SLC44A1: variants seen among roughly 807,000 people sequenced by gnomAD.
The protein encoded by SLC44A1 is solute carrier family 44 member 1, also known as choline transporter-like protein 1.
A neutral mutation model predicts 79.3 loss-of-function variants in SLC44A1; 26 were observed. The observed-to-expected ratio is 0.33, with a 90% confidence interval of 0.24 to 0.46. The LOEUF (loss-of-function observed/expected upper bound fraction) is 0.46. Ranked by LOEUF, SLC44A1 falls within the 20% of genes least tolerant of loss-of-function variation. The pLI is 1.00. For synonymous variants in SLC44A1, 263 were observed against 286.2 expected (o/e 0.92, Z 0.82); for missense variants, 688 against 798.1 (o/e 0.86, Z 1.66).
chr9:105,355,444 C>T (rs1318264768), intron 5 of SLC44A1, among the ~76,000 whole-genome samples: 1 of 151,992 alleles, frequency 6.6e-6, no homozygotes, highest in Admixed American at 6.6e-5. Flanking sequence ...AGAAAATAGC[C>T]CAGAATTATG....
intron 15 of SLC44A1, among the ~76,000 whole-genome samples, chr9:105,413,352 T>G (rs1829122412): frequency 6.6e-6 from 1 of 152,212 alleles, no homozygotes; most frequent in South Asian, 2.1e-4. Context: ...CCCAATGAGA[T>G]ATAAGCTGAA....
At chr9:105,388,062 A>G (rs1024586340) in intron 15 of SLC44A1, among the ~76,000 whole-genome samples, 1 of 152,176 alleles carries the variant, frequency 6.6e-6, no homozygotes, top group African/African-American at 2.4e-5. Context: ...TGCATCCCAA[A>G]ATACATCTTC....
intron 4 of SLC44A1, among the ~76,000 whole-genome samples, chr9:105,336,729 A>G (rs554199016): frequency 1.5e-4 from 23 of 152,286 alleles, no homozygotes; most frequent in African/African-American, 5.1e-4. Context: ...AGTGTCTTCC[A>G]GTTGGGGATG....
At chr9:105,362,455 A>G (rs575426818) in intron 8 of SLC44A1, among the ~76,000 whole-genome samples, 204 of 152,316 alleles carry the variant, frequency 1.3e-3, no homozygotes, top group African/African-American at 4.7e-3. Context: ...TGTTGGTCTA[A>G]TAAGGAAGAT....
intron 12 of SLC44A1, among the ~76,000 whole-genome samples, chr9:105,372,542 G>A (rs962316912): frequency 8.6e-5 from 13 of 151,780 alleles, no homozygotes; most frequent in Admixed American, 5.9e-4. Flanking sequence ...CACCTGCCTC[G>A]ACCTCCCAAA....
Position 105,300,778 on chromosome 9 carries a change from A to ATT in SLC44A1, c.126+1483_126+1484dup, listed in dbSNP as rs11416029. On this transcript the variant is annotated intron_variant, in intron 2 of 15. Transcript: ENST00000374720. ...TTTATGCAGCGTGTGGAGAAAAAAA[A>ATT]TTTTTTTTTTTTTTTGAGACAGAAT... Among the ~76,000 whole-genome samples, 865 of 144,624 alleles carry ATT rather than the reference A, an allele frequency of 6.0e-3. 15 individuals carry two copies. The highest frequency in any genetic ancestry group is 8.0e-3 in the Non-Finnish European group (520 of 65,352). The allele number at this position is 144,624 out of a possible 152,430, so 94.9% of individuals were successfully genotyped here. A position where few individuals can be genotyped will look rare whatever the true frequency, so the allele number is the denominator to read the frequency against.
intron 1 of SLC44A1, among the ~76,000 whole-genome samples, chr9:105,286,260 G>A (rs902404346): frequency 5.3e-5 from 8 of 152,112 alleles, no homozygotes; most frequent in Non-Finnish European, 7.4e-5. Context: ...TAAACAGAGC[G>A]CAGCAAAGTG....
intron 1 of SLC44A1, among the ~76,000 whole-genome samples, chr9:105,259,212 C>G (rs539073188): frequency 6.6e-6 from 1 of 152,346 alleles, no homozygotes; most frequent in Admixed American, 6.5e-5. Context: ...TCTGTCATGA[C>G]AGCAAGTTTA....
chr9:105,282,362 G>C (rs1830373315), intron 1 of SLC44A1, among the ~76,000 whole-genome samples: 1 of 151,750 alleles, frequency 6.6e-6, no homozygotes, highest in Non-Finnish European at 1.5e-5. Context: ...TCTTTAGCTG[G>C]CTTTCCTTAA....
intron 1 of SLC44A1, among the ~76,000 whole-genome samples, chr9:105,251,716 T>C (rs1829592707): frequency 6.6e-6 from 1 of 152,202 alleles, no homozygotes; most frequent in East Asian, 1.9e-4. Context: ...CATATGTGGT[T>C]CACTTGTCTA....
At chr9:105,276,847 G>A (rs1182602326) in intron 1 of SLC44A1, among the ~76,000 whole-genome samples, 1 of 152,138 alleles carries the variant, frequency 6.6e-6, no homozygotes, top group Non-Finnish European at 1.5e-5. Flanking sequence ...CATCTAGGGT[G>A]TTGTTCCAAG....
At chr9:105,407,715 C>A (rs915383462) in intron 15 of SLC44A1, among the ~76,000 whole-genome samples, 1 of 151,490 alleles carries the variant, frequency 6.6e-6, no homozygotes, top group South Asian at 2.1e-4. Flanking sequence ...ACTAAAAATA[C>A]AAAAATTAGC....
In SLC44A1 at chr9:105,395,775, T is replaced by G. The variant is rs114284553; in HGVS notation, c.*6719T>G. 2,260 of 984,704 alleles carry G rather than the reference T, an allele frequency of 2.3e-3. 38 individuals are homozygous for G. The African/African-American group carries it at 0.037, about 16-fold the overall frequency. The allele number at this position is 984,704 out of a possible 1,614,324, so 61.0% of individuals were successfully genotyped here. ...TTAAATCATATGAGTAAAAAAAAAG[T>G]AGACATTGAAAAGAAGACTTGGGAA... On this transcript the variant is annotated 3_prime_UTR_variant, in exon 16 of 16. Coordinates refer to ENST00000374720, the MANE Select transcript of SLC44A1 (RefSeq NM_080546.5).
rs574701579 is a variant in SLC44A1, at chr9:105,416,916, A to G, written c.1951-21365A>G. Among the ~76,000 whole-genome samples, 10 of 152,388 alleles carry G rather than the reference A, an allele frequency of 6.6e-5. No homozygotes were observed. In the South Asian group the frequency reaches 1.7e-3, roughly 25 times the overall value. On this transcript the variant is annotated intron_variant, in intron 15 of 15. Coordinates refer to the SLC44A1 transcript ENST00000374724. Reference sequence around the variant, plus strand: ...AGTCAAAAGGCCTAAGATTATATCTATTAATTGAGAATTTCATGCAGATTA... The same window carrying G: ...AGTCAAAAGGCCTAAGATTATATCTGTTAATTGAGAATTTCATGCAGATTA...
intron 15 of SLC44A1, chr9:105,386,467 A>G: frequency 1.0e-6 from 1 of 981,004 alleles, no homozygotes; most frequent in Non-Finnish European, 1.2e-6. Context: ...ACACTTTAGT[A>G]AATGATTTGA....
intron 12 of SLC44A1, among the ~76,000 whole-genome samples, chr9:105,371,295 A>G (rs1276637305): frequency 6.6e-6 from 1 of 152,254 alleles, no homozygotes; most frequent in African/African-American, 2.4e-5. Flanking sequence ...GTGAGGGACC[A>G]GAGAGTAAAT....
chr9:105,344,723 A>G (rs1279072460), intron 4 of SLC44A1, among the ~76,000 whole-genome samples: 2 of 152,188 alleles, frequency 1.3e-5, no homozygotes, highest in Non-Finnish European at 2.9e-5. Context: ...GGTTCCAGAC[A>G]TTTCAAAGGC....
chr9:105,368,753 TGAG>T (rs1434963922), intron 12 of SLC44A1, among the ~76,000 whole-genome samples: 1 of 152,156 alleles, frequency 6.6e-6, no homozygotes. Flanking sequence ...GAAAATCTAT[TGAG>T]GTCAGGCACG....
At chr9:105,383,896 C>T (rs1364959629) in intron 14 of SLC44A1, among the ~76,000 whole-genome samples, 1 of 152,134 alleles carries the variant, frequency 6.6e-6, no homozygotes, top group Non-Finnish European at 1.5e-5. Flanking sequence ...AGATCTGAAC[C>T]TTTACACAGA....
Sources: gnomAD v4.1 joint callset for allele counts (sites outside exome capture counted in the v4.1 genomes callset) on GRCh38, gnomAD v4.1.1 for gene constraint, MANE v1.5 for transcripts, NCBI Gene and HGNC (gene_info 2026-07-23, HGNC 2026-07-21) for gene names.